Variants in GADD45A observed in about 807,000 individuals in gnomAD.
GADD45A encodes growth arrest and DNA damage inducible alpha.
Under a neutral mutation model 17.7 loss-of-function variants are expected in GADD45A, and 9 were observed. The observed-to-expected ratio is 0.51, with a 90% CI of 0.31 to 0.89. The LOEUF (loss-of-function observed/expected upper bound fraction) is 0.89. Ranked by LOEUF, GADD45A falls within the 40% of genes least tolerant of loss-of-function variation. GADD45A has a pLI of 0.05. For synonymous variants in GADD45A, 95 were observed against 92.2 expected, an observed-to-expected ratio of 1.03 and a Z score of -0.17; for missense variants, 149 against 220.6, an observed-to-expected ratio of 0.68 and a Z score of 2.06.
Position 67,686,330 on chromosome 1 carries a change from G to A in GADD45A, c.147-20G>A, listed in dbSNP as rs1433221189. On this transcript the variant is annotated intron_variant, in intron 2 of 3. Transcript: ENST00000370986. ...GGCGCCCGCGCTTCTGCGCTCACTG[G>A]CCCCGCCCGCTGCCCCCAGCGACCC... The A allele has an allele frequency of 6.2e-7, 1 of 1,605,300 alleles. No homozygotes were observed. Among genetic ancestry groups the A allele is most frequent in the Non-Finnish European group, 8.5e-7 (1 of 1,174,554 alleles).
At position 67,685,340 on chromosome 1, in the gene GADD45A, G is replaced by T; in HGVS notation, c.-155G>T. ...TGCGGCGGCTGGCACAGGAGGAGGA[G>T]CCCGGGCGGGCGAGGGGCGGCCGGA... On this transcript the variant is annotated 5_prime_UTR_variant, in exon 1 of 4. Transcript: ENST00000370986. 1 of 610,034 alleles carries T rather than the reference G, an allele frequency of 1.6e-6. No individual in the cohort carries two copies. The highest frequency in any genetic ancestry group is 3.3e-5 in the East Asian group (1 of 30,452). 37.8% of individuals were successfully genotyped at this position (610,034 alleles called of 1,614,324 possible). A position where few individuals can be genotyped will look rare whatever the true frequency, so the allele number is the denominator to read the frequency against.
chr1:67,686,171 C>G, intron 2 of GADD45A, 45 bp downstream of exon 2: 1 of 1,523,124 alleles, frequency 6.6e-7, no homozygotes, highest in Non-Finnish European at 9.0e-7. Context: ...CCTTCCCGCC[C>G]CAGCCCGGGA....
Position 67,685,468 on chromosome 1 carries a change from C to CT in GADD45A, c.-26dup. On this transcript the variant is annotated 5_prime_UTR_variant, in exon 1 of 4. Transcript: ENST00000370986. ...AGGAGCAGCCCGCACGCCGCGCTCT[C>CT]TCCCTGGGCGACCTGCAGTTTGCAA... 6.2e-7 allele frequency: 1 copy of CT among 1,602,008 alleles called. No individual in the cohort carries two copies. The highest frequency in any genetic ancestry group is 8.5e-7 in the Non-Finnish European group (1 of 1,173,700).
chr1:67,685,915 G>T (rs922520872), intron 1 of GADD45A, 110 bp from the exon 2 acceptor site: 2 of 693,408 alleles, frequency 2.9e-6, no homozygotes, highest in Non-Finnish European at 4.8e-6. Flanking sequence ...GCCCAGGTGC[G>T]CGGTGGTGCT....
chr1:67,687,369 G>A (rs540151655), intron 3 of GADD45A, among the ~76,000 whole-genome samples: 1 of 152,268 alleles, frequency 6.6e-6, no homozygotes, highest in African/African-American at 2.4e-5. Context: ...AGAGCAAACC[G>A]GTGAATGATA....
Position 67,686,566 on chromosome 1 carries a change from C to T in GADD45A, c.363C>T (p.Asp121=), listed in dbSNP as rs751045017. The change falls in exon 3 of 4, where the codon GAC becomes GAT. Residue 121 remains aspartate, a synonymous_variant. Transcript: ENST00000370986. Reference sequence around the variant, plus strand: ...GCGAGGGCGCCGAGCAGCCCCCGGACCTGCACTGCGTGCTGGTGACGGTAA... The same window carrying T: ...GCGAGGGCGCCGAGCAGCCCCCGGATCTGCACTGCGTGCTGGTGACGGTAA... ...AASEGAEQPP[D]LHCVLVTNPH... 1.2e-5 allele frequency: 19 copies of T among 1,611,268 alleles called. No individual in the cohort carries two copies. The Admixed American group carries it at 2.7e-4, about 23-fold the overall frequency.
Position 67,685,393 on chromosome 1 carries a change from G to C in GADD45A, c.-102G>C. 1 of 1,117,264 alleles carries C rather than the reference G, an allele frequency of 9.0e-7. No individual in the cohort carries two copies. Among genetic ancestry groups the C allele is most frequent in the Non-Finnish European group, 1.3e-6 (1 of 767,344 alleles). The allele number at this position is 1,117,264 out of a possible 1,614,324, so 69.2% of individuals were successfully genotyped here. A position where few individuals can be genotyped will look rare whatever the true frequency, so the allele number is the denominator to read the frequency against. On this transcript the variant is annotated 5_prime_UTR_variant, in exon 1 of 4. Coordinates refer to ENST00000370986, the MANE Select transcript of GADD45A (RefSeq NM_001924.4). ...GCGCCAGGGCCTGAGCTGCCGGAGCGGCGCCTGTGAGTGAGTGCAGAAAGC... is the reference window on the plus strand; with the variant it reads ...GCGCCAGGGCCTGAGCTGCCGGAGCCGCGCCTGTGAGTGAGTGCAGAAAGC...
chr1:67,686,552 G>A lies in GADD45A; in HGVS notation c.349G>A (p.Glu117Lys), dbSNP rs752621752. The stretch of plus-strand genomic sequence containing the variant: ...TGGCCCCGCGGCGAGCGAGGGCGCC[G>A]AGCAGCCCCCGGACCTGCACTGCGT... ...DAGPAASEGA[E>K]QPPDLHCVLV... The change falls in exon 3 of 4, where the codon GAG (glutamate) becomes AAG (lysine). Residue 117 changes from glutamate to lysine, a missense_variant. Physicochemically the swap from Glu to Lys is moderately conservative, Grantham distance 56. Coordinates refer to ENST00000370986, the MANE Select transcript of GADD45A (RefSeq NM_001924.4). 1 of 1,611,972 alleles carries A rather than the reference G, an allele frequency of 6.2e-7. No homozygotes were observed. The highest frequency in any genetic ancestry group is 8.5e-7 in the Non-Finnish European group (1 of 1,179,192).
rs1646126410 is a variant in GADD45A, at chr1:67,685,491, C to T, written c.-4C>T. 6.2e-7 allele frequency: 1 copy of T among 1,609,970 alleles called. No homozygotes were observed. The highest frequency in any genetic ancestry group is 1.1e-5 in the South Asian group (1 of 90,280). On this transcript the variant is annotated 5_prime_UTR_variant, in exon 1 of 4. Transcript: ENST00000370986. ...CTCTCCCTGGGCGACCTGCAGTTTG[C>T]AATATGACTTTGGAGGAATTCTCGG...
rs1301636832 is a variant in GADD45A, at chr1:67,687,779, A to G, written c.*5A>G. ...ATTAATCTCCCTGAACGGTGATGGC[A>G]TCTGAATGAAAATAACTGAACCAAA... On this transcript the variant is annotated 3_prime_UTR_variant, in exon 4 of 4. Transcript: ENST00000370986. The G allele has an allele frequency of 6.4e-7, 1 of 1,574,208 alleles. No individual in the cohort carries two copies. Among genetic ancestry groups the G allele is most frequent in the Non-Finnish European group, 8.7e-7 (1 of 1,145,496 alleles).
chr1:67,686,109 G>T lies in GADD45A; in HGVS notation c.129G>T (p.Ala43=), dbSNP rs756123956. The T allele has an allele frequency of 8.7e-6, 14 of 1,610,486 alleles. No individual in the cohort carries two copies. In the South Asian group the frequency reaches 1.5e-4, roughly 18 times the overall value. The change falls in exon 2 of 4, where the codon GCG becomes GCT. Residue 43 remains alanine, a synonymous_variant. Coordinates refer to ENST00000370986, the MANE Select transcript of GADD45A (RefSeq NM_001924.4). ...QRTITVGVYE[A]AKLLNVDPDN... ...CGATCACTGTCGGGGTGTACGAAGC[G>T]GCCAAGCTGCTCAACGTGTAAGTGG... is the stretch of plus-strand genomic sequence containing the variant.
chr1:67,687,525 A>AT (rs1410775590), intron 3 of GADD45A, 136 bp from the exon 4 acceptor site: 4 of 624,392 alleles, frequency 6.4e-6, no homozygotes, highest in Non-Finnish European at 1.1e-5. Flanking sequence ...AGAAACTTTA[A>AT]TTTTTTTGTG....
At chr1:67,685,689 G>T (rs1646128115) in intron 1 of GADD45A, 151 bp downstream of exon 1, 1 of 759,860 alleles carries the variant, frequency 1.3e-6, no homozygotes, top group Non-Finnish European at 2.2e-6. Flanking sequence ...ACTCTCCGTG[G>T]AGCTCCCACG....
At position 67,688,069 on chromosome 1, in the gene GADD45A, T is replaced by C; in HGVS notation, c.*295T>C. 5 of 280,340 alleles carry C rather than the reference T, an allele frequency of 1.8e-5. No homozygotes were observed. Among genetic ancestry groups the C allele is most frequent in the Non-Finnish European group, 3.4e-5 (5 of 148,752 alleles). The allele number at this position is 280,340 out of a possible 1,614,324, so 17.4% of individuals were successfully genotyped here. ...TATGTATTAATTTAGAATGGTTGAG[T>C]TACATTAAAATAAACCAAATATGTT... On this transcript the variant is annotated 3_prime_UTR_variant, in exon 4 of 4. Coordinates refer to ENST00000370986, the MANE Select transcript of GADD45A (RefSeq NM_001924.4).
intron 3 of GADD45A, 113 bp downstream of exon 3, chr1:67,686,700 C>T: frequency 1.2e-6 from 1 of 839,138 alleles, no homozygotes; most frequent in Non-Finnish European, 1.8e-6. Context: ...GGGTGGCTGC[C>T]TTTGTCCGAC....
At chr1:67,685,611 G>A in intron 1 of GADD45A, 73 bp downstream of exon 1, 1 of 1,475,570 alleles carries the variant, frequency 6.8e-7, no homozygotes, top group Non-Finnish European at 9.3e-7. Context: ...CAGCCGGGCT[G>A]TGGAAGGCTT....
Position 67,686,435 on chromosome 1 carries a change from A to G in GADD45A, c.232A>G (p.Ile78Val). ...DVALQIHFTL[I>V]QAFCCENDIN... Reference sequence around the variant, plus strand: ...GGCTCTGCAGATCCACTTCACCCTGATCCAGGCGTTTTGCTGCGAGAACGA... The same window carrying G: ...GGCTCTGCAGATCCACTTCACCCTGGTCCAGGCGTTTTGCTGCGAGAACGA... Residue 78 changes from isoleucine (I) to valine (V), a missense_variant, in exon 3 of 4, where the codon ATC becomes GTC. Coordinates refer to ENST00000370986, the MANE Select transcript of GADD45A (RefSeq NM_001924.4). 1 of 1,613,846 alleles carries G rather than the reference A, an allele frequency of 6.2e-7. No individual in the cohort carries two copies. The highest frequency in any genetic ancestry group is 8.5e-7 in the Non-Finnish European group (1 of 1,179,848).
At chr1:67,687,550 C>G in intron 3 of GADD45A, 111 bp from the exon 4 acceptor site, 2 of 688,580 alleles carry the variant, frequency 2.9e-6, no homozygotes, top group Middle Eastern at 4.0e-4. Flanking sequence ...TAATTTGTCT[C>G]CATGTCACAT....
At position 67,686,730 on chromosome 1, in the gene GADD45A, C is replaced by G. The variant is rs1315332476; in HGVS notation, c.384+143C>G. The stretch of plus-strand genomic sequence containing the variant: ...TCCGACTAGAGTGTGGCTGGACTTT[C>G]AGCCGAGATGTGCTAGTTTCATCAC... On this transcript the variant is annotated intron_variant, in intron 3 of 3. Transcript: ENST00000370986. 186 of 665,920 alleles carry G rather than the reference C, an allele frequency of 2.8e-4. 1 individual carries two copies. The highest frequency in any genetic ancestry group is 2.5e-5 in the Non-Finnish European group (10 of 394,874). The allele number at this position is 665,920 out of a possible 1,614,324, so 41.3% of individuals were successfully genotyped here.
Sources: gnomAD v4.1 joint callset for allele counts (sites outside exome capture counted in the v4.1 genomes callset) on GRCh38, gnomAD v4.1.1 for gene constraint, MANE v1.5 for transcripts, NCBI Gene and HGNC (gene_info 2026-07-23, HGNC 2026-07-21) for gene names.